LRBA: variants seen among roughly 807,000 people sequenced by gnomAD.
LRBA encodes the protein lipopolysaccharide-responsive and beige-like anchor protein.
Under a neutral mutation model 330.0 loss-of-function variants are expected in LRBA, and 176 were observed. That is an observed-to-expected ratio of 0.53 (90% CI 0.47 to 0.60). The LOEUF (loss-of-function observed/expected upper bound fraction) is 0.60, where lower values mean the gene tolerates loss of function less well. Among genes scored for constraint, LRBA ranks in the 20% least tolerant of loss-of-function variants. LRBA has a pLI of 0.00. For missense variants in LRBA, 3,259 were observed against 3,444.8 expected (o/e 0.95, Z 1.35); for synonymous variants, 1,230 against 1,193.0 (o/e 1.03, Z -0.64).
chr4:150,721,750 G>T (rs1187392405), intron 36 of LRBA, among the ~76,000 whole-genome samples: 1 of 152,072 alleles, frequency 6.6e-6, no homozygotes, highest in Non-Finnish European at 1.5e-5. Flanking sequence ...GAGTAGCTGG[G>T]ACTACAGGCA....
intron 44 of LRBA, among the ~76,000 whole-genome samples, chr4:150,439,453 C>G (rs1751535561): frequency 6.6e-6 from 1 of 151,754 alleles, no homozygotes; most frequent in Admixed American, 6.6e-5. Context: ...TCAAGACATA[C>G]CACGTTTATT....
chr4:150,645,101 TC>T (rs767495862), intron 37 of LRBA, among the ~76,000 whole-genome samples: 3 of 149,326 alleles, frequency 2.0e-5, no homozygotes, highest in Non-Finnish European at 4.5e-5. Context: ...ACACAGCAAT[TC>T]AAAAAAAAGT....
intron 44 of LRBA, among the ~76,000 whole-genome samples, chr4:150,447,838 A>G (rs1348748686): frequency 6.6e-6 from 1 of 152,240 alleles, no homozygotes; most frequent in African/African-American, 2.4e-5. Flanking sequence ...AATAGATGGC[A>G]AAACTATGGT....
intron 37 of LRBA, among the ~76,000 whole-genome samples, chr4:150,672,742 C>A (rs922151017): frequency 2.0e-5 from 3 of 152,028 alleles, no homozygotes; most frequent in African/African-American, 7.2e-5. Context: ...AAACTACACT[C>A]AAAGCAACAA....
intron 53 of LRBA, among the ~76,000 whole-genome samples, chr4:150,296,779 G>A (rs1560978469): frequency 6.6e-6 from 1 of 152,000 alleles, no homozygotes; most frequent in African/African-American, 2.4e-5. Context: ...CAAAGCTGTC[G>A]TAGAATTTCT....
intron 48 of LRBA, among the ~76,000 whole-genome samples, chr4:150,339,950 C>T (rs1015410648): frequency 4.6e-5 from 7 of 151,752 alleles, no homozygotes; most frequent in Non-Finnish European, 8.8e-5. Context: ...AGAAGGACCC[C>T]GTCGGAGGTA....
At chr4:150,370,017 G>A (rs1178272111) in intron 47 of LRBA, among the ~76,000 whole-genome samples, 1 of 152,150 alleles carries the variant, frequency 6.6e-6, no homozygotes, top group African/African-American at 2.4e-5. Context: ...GCCTCTTCTA[G>A]TTTAACTATG....
chr4:150,772,084 T>A (rs1254224337), intron 34 of LRBA, among the ~76,000 whole-genome samples: 2 of 152,118 alleles, frequency 1.3e-5, no homozygotes, highest in Non-Finnish European at 2.9e-5. Context: ...GACAAACCAA[T>A]AGCCACAGCC....
intron 37 of LRBA, among the ~76,000 whole-genome samples, chr4:150,663,219 G>A (rs1317326812): frequency 6.6e-6 from 1 of 152,040 alleles, no homozygotes; most frequent in African/African-American, 2.4e-5. Context: ...TGTCTATAGG[G>A]AACTACCGTT....
chr4:150,734,891 G>A (rs1332275149), intron 36 of LRBA, among the ~76,000 whole-genome samples: 1 of 152,078 alleles, frequency 6.6e-6, no homozygotes, highest in Non-Finnish European at 1.5e-5. Context: ...TCTTACCTTT[G>A]CCATAGAGAT....
chr4:150,837,989 G>T (rs1387380777), intron 28 of LRBA, among the ~76,000 whole-genome samples: 1 of 152,118 alleles, frequency 6.6e-6, no homozygotes, highest in Non-Finnish European at 1.5e-5. Context: ...CAGGCCTGGT[G>T]GTGACAAATC....
At chr4:150,743,819 T>G (rs1324571891) in intron 35 of LRBA, among the ~76,000 whole-genome samples, 2 of 152,210 alleles carry the variant, frequency 1.3e-5, no homozygotes, top group Non-Finnish European at 2.9e-5. Flanking sequence ...CTTACATGTC[T>G]CTGTTCTTTG....
chr4:150,348,725 A>T (rs1469095776), intron 48 of LRBA, among the ~76,000 whole-genome samples: 1 of 152,142 alleles, frequency 6.6e-6, no homozygotes, highest in Non-Finnish European at 1.5e-5. Flanking sequence ...ATGGGCATTT[A>T]ACAGAATAAA....
At chr4:150,419,288 A>C (rs1748239870) in intron 46 of LRBA, among the ~76,000 whole-genome samples, 1 of 152,192 alleles carries the variant, frequency 6.6e-6, no homozygotes, top group Admixed American at 6.5e-5. Flanking sequence ...TGGCATCAGC[A>C]AATATTTTCT....
At chr4:150,426,478 A>G (rs928963694) in intron 46 of LRBA, among the ~76,000 whole-genome samples, 22 of 152,030 alleles carry the variant, frequency 1.4e-4, no homozygotes, top group Admixed American at 2.6e-4. Context: ...ACATGTACTC[A>G]AATTAATTTA....
intron 28 of LRBA, among the ~76,000 whole-genome samples, chr4:150,834,763 C>A (rs1028282995): frequency 5.3e-5 from 8 of 152,176 alleles, no homozygotes; most frequent in Non-Finnish European, 1.0e-4. Flanking sequence ...AACACTGAAG[C>A]CAGGCATTGA....
At chr4:150,865,834 G>GC (rs1004495224) in intron 22 of LRBA, among the ~76,000 whole-genome samples, 6 of 151,372 alleles carry the variant, frequency 4.0e-5, no homozygotes, top group Admixed American at 3.3e-4. Context: ...TCCTGCCTCG[G>GC]CCCCCCAAGT....
chr4:151,006,065 G>C (rs1231418551), intron 2 of LRBA, among the ~76,000 whole-genome samples: 1 of 152,176 alleles, frequency 6.6e-6, no homozygotes, highest in East Asian at 1.9e-4. Flanking sequence ...AATAGGGCAG[G>C]GCATGGTGGC....
intron 40 of LRBA, among the ~76,000 whole-genome samples, chr4:150,535,277 G>C (rs1188392900): frequency 1.3e-5 from 2 of 152,024 alleles, no homozygotes; most frequent in Admixed American, 1.3e-4. Flanking sequence ...AGAACTACAG[G>C]CCCATGCCAC....
Sources: allele counts gnomAD v4.1 joint callset (sites outside exome capture counted in the v4.1 genomes callset), GRCh38; gene constraint gnomAD v4.1.1; transcripts MANE v1.5; gene names NCBI Gene and HGNC (gene_info 2026-07-23, HGNC 2026-07-21).